The following MDFIC2 variants were observed in gnomAD, a reference collection of about 807,000 sequenced individuals.
MDFIC2 encodes myoD family inhibitor domain-containing protein 2.
At chr3:70,293,296 T>C (rs1702257450) in intron 2 of MDFIC2, among the ~76,000 whole-genome samples, 1 of 152,078 alleles carries the variant, frequency 6.6e-6, no homozygotes, top group South Asian at 2.1e-4. Flanking sequence ...TACATACAAT[T>C]ATCAAAATAT....
At chr3:70,199,808 A>G (rs1230709674) in intron 3 of MDFIC2, among the ~76,000 whole-genome samples, 2 of 152,168 alleles carry the variant, frequency 1.3e-5, no homozygotes, top group Non-Finnish European at 2.9e-5. Flanking sequence ...TCAAAGTCCT[A>G]TCCCAGGATT....
chr3:70,233,522 T>G (rs927662077), intron 2 of MDFIC2, among the ~76,000 whole-genome samples: 2 of 152,206 alleles, frequency 1.3e-5, no homozygotes, highest in African/African-American at 4.8e-5. Flanking sequence ...TTGACAAGGC[T>G]TTAAAGCATA....
chr3:70,303,543 C>T (rs1335953945), intron 2 of MDFIC2, among the ~76,000 whole-genome samples: 2 of 152,198 alleles, frequency 1.3e-5, no homozygotes, highest in African/African-American at 4.8e-5. Flanking sequence ...GTGAGCTACT[C>T]TTGCATTTTC....
intron 2 of MDFIC2, among the ~76,000 whole-genome samples, chr3:70,266,469 G>A (rs978019363): frequency 3.3e-5 from 5 of 152,066 alleles, no homozygotes; most frequent in Admixed American, 2.6e-4. Flanking sequence ...CACCCAGGCT[G>A]GAGAGTAGTG....
chr3:70,276,985 T>A (rs558188533), intron 2 of MDFIC2, among the ~76,000 whole-genome samples: 5 of 152,194 alleles, frequency 3.3e-5, no homozygotes, highest in Non-Finnish European at 7.3e-5. Flanking sequence ...TTTTTATTCT[T>A]TCTTAAGGAA....
chr3:70,260,641 G>T (rs1225255980), intron 2 of MDFIC2, among the ~76,000 whole-genome samples: 1 of 151,936 alleles, frequency 6.6e-6, no homozygotes, highest in Non-Finnish European at 1.5e-5. Context: ...CTCCATGAAA[G>T]GTTACAACTT....
intron 2 of MDFIC2, among the ~76,000 whole-genome samples, chr3:70,208,859 T>G (rs1021327769): frequency 6.6e-6 from 1 of 152,120 alleles, no homozygotes; most frequent in Admixed American, 6.6e-5. Context: ...ATTCTCTTCC[T>G]TTTATGTGCT....
intron 2 of MDFIC2, among the ~76,000 whole-genome samples, chr3:70,264,958 T>A (rs897774113): frequency 2.0e-5 from 3 of 152,116 alleles, no homozygotes; most frequent in African/African-American, 7.2e-5. Context: ...GGAAGGTGAA[T>A]GAGGAGCAAA....
Position 70,195,365 on chromosome 3 carries a change from T to A in MDFIC2, c.*1561A>T, listed in dbSNP as rs1701165962. On this transcript the variant is annotated 3_prime_UTR_variant, in exon 4 of 4. Coordinates refer to ENST00000567252, the MANE Select transcript of MDFIC2 (RefSeq NM_001364677.1). Reference sequence around the variant, plus strand: ...GAATAACATGGTCATCAAACAGGAATGAAATCAGCATTAACCATGGGTGCA... The same window carrying A: ...GAATAACATGGTCATCAAACAGGAAAGAAATCAGCATTAACCATGGGTGCA... 6.6e-6 allele frequency among the ~76,000 whole-genome samples: 1 copy of A among 152,220 alleles called. No homozygotes were observed. The highest frequency in any genetic ancestry group is 1.5e-5 in the Non-Finnish European group (1 of 68,038).
intron 2 of MDFIC2, among the ~76,000 whole-genome samples, chr3:70,213,255 T>C (rs552722377): frequency 1.3e-5 from 2 of 152,086 alleles, no homozygotes; most frequent in Non-Finnish European, 2.9e-5. Context: ...TTATTCTCAT[T>C]TAACCTACAA....
chr3:70,210,337 TA>T (rs1179934346), intron 2 of MDFIC2, among the ~76,000 whole-genome samples: 2 of 152,136 alleles, frequency 1.3e-5, no homozygotes, highest in Admixed American at 6.6e-5. Context: ...TTTATATTTT[TA>T]TTTTTTCTCA....
At chr3:70,208,201 G>A (rs1576155430) in intron 2 of MDFIC2, among the ~76,000 whole-genome samples, 1 of 152,062 alleles carries the variant, frequency 6.6e-6, no homozygotes, top group African/African-American at 2.4e-5. Flanking sequence ...GCACAACTGG[G>A]ACGTGGTCAA....
At chr3:70,306,108 T>C (rs905645353) in intron 2 of MDFIC2, among the ~76,000 whole-genome samples, 2 of 152,154 alleles carry the variant, frequency 1.3e-5, no homozygotes, top group Non-Finnish European at 1.5e-5. Flanking sequence ...AGTTTATTTA[T>C]TTATTTATTT....
chr3:70,238,785 A>C (rs1449690388), intron 2 of MDFIC2, among the ~76,000 whole-genome samples: 1 of 152,044 alleles, frequency 6.6e-6, no homozygotes, highest in Non-Finnish European at 1.5e-5. Flanking sequence ...ATGTGAGTCT[A>C]CAAATTCCCT....
intron 2 of MDFIC2, among the ~76,000 whole-genome samples, chr3:70,284,521 G>C (rs1437633373): frequency 1.3e-5 from 2 of 152,084 alleles, no homozygotes; most frequent in Non-Finnish European, 1.5e-5. Context: ...TGATAGACTG[G>C]ATCAAGAAAA....
intron 2 of MDFIC2, among the ~76,000 whole-genome samples, chr3:70,238,454 A>C: frequency 6.6e-6 from 1 of 152,110 alleles, no homozygotes; most frequent in African/African-American, 2.4e-5. Flanking sequence ...CAAAATAAAT[A>C]AATAAATAAT....
chr3:70,244,129 A>T (rs1701683818), intron 2 of MDFIC2, among the ~76,000 whole-genome samples: 1 of 152,174 alleles, frequency 6.6e-6, no homozygotes, highest in Non-Finnish European at 1.5e-5. Context: ...CTTTGGCTCA[A>T]ATGGGAACAA....
intron 2 of MDFIC2, among the ~76,000 whole-genome samples, chr3:70,310,110 A>G (rs1702441375): frequency 6.6e-6 from 1 of 152,132 alleles, no homozygotes; most frequent in South Asian, 2.1e-4. Context: ...TGCATGTTCT[A>G]CTTTTTTTCC....
At chr3:70,308,975 A>G (rs1262362650) in intron 2 of MDFIC2, among the ~76,000 whole-genome samples, 2 of 152,188 alleles carry the variant, frequency 1.3e-5, no homozygotes, top group Non-Finnish European at 2.9e-5. Flanking sequence ...TTCCAGAGGG[A>G]GGCAGCAGAG....
Sources: allele counts gnomAD v4.1 joint callset (sites outside exome capture counted in the v4.1 genomes callset), GRCh38; gene constraint gnomAD v4.1.1; transcripts MANE v1.5; gene names NCBI Gene and HGNC (gene_info 2026-07-23, HGNC 2026-07-21).